Variants in VWF observed in about 807,000 individuals in gnomAD.
The protein encoded by VWF is Factor VIII related antigen.
Under a neutral mutation model 308.6 loss-of-function variants are expected in VWF, and 176 were observed. The observed-to-expected ratio is 0.57, with a 90% CI of 0.50 to 0.65. VWF has a LOEUF of 0.65. Among genes scored for constraint, VWF ranks in the 30% least tolerant of loss-of-function variants. The pLI is 0.00. For missense variants in VWF, 3,146 were observed against 3,648.2 expected (o/e 0.86, Z 3.55); for synonymous variants, 1,385 against 1,443.4 (o/e 0.96, Z 0.92).
chr12:6,041,985 T>C (rs1170419832), intron 18 of VWF, among the ~76,000 whole-genome samples: 4 of 152,196 alleles, frequency 2.6e-5, no homozygotes, highest in African/African-American at 7.2e-5. Flanking sequence ...CCTACACTTC[T>C]GTAGAACTCT....
rs1250915385 is a variant in VWF, at chr12:6,092,620, T to TGAGAGAGAGAGAGAGAGAGA, written c.657+2839_657+2840insTCTCTCTCTCTCTCTCTCTC. ...CAGCTAGTTAGTGAGTGAGTGAGAG[T>TGAGAGAGAGAGAGAGAGAGA]GTGTGTGTGTGTGTGTGTGTGTGTG... On this transcript the variant is annotated intron_variant, in intron 6 of 51. Transcript: ENST00000261405. 1.2e-3 allele frequency among the ~76,000 whole-genome samples: 111 copies of TGAGAGAGAGAGAGAGAGAGA among 89,666 alleles called. 1 individual carries two copies. Among genetic ancestry groups the TGAGAGAGAGAGAGAGAGAGA allele is most frequent in the African/African-American group, 6.1e-3 (103 of 16,764 alleles). The allele number at this position is 89,666 out of a possible 152,430, so 58.8% of individuals were successfully genotyped here.
chr12:5,964,437 C>T (rs890366535), intron 47 of VWF, among the ~76,000 whole-genome samples: 2 of 152,178 alleles, frequency 1.3e-5, no homozygotes, highest in Non-Finnish European at 2.9e-5. Context: ...AACGTAATCA[C>T]ATAATCCCAG....
intron 34 of VWF, among the ~76,000 whole-genome samples, chr12:6,011,416 G>C (rs1284416804): frequency 6.6e-6 from 1 of 152,166 alleles, no homozygotes; most frequent in Non-Finnish European, 1.5e-5. Context: ...AGAGAAAGAG[G>C]GCAGTGATCC....
rs768026301 is a variant in VWF at position 5,985,591 on chromosome 12, G to A, written c.6873C>T (p.Cys2291=). The stretch of plus-strand genomic sequence containing the variant: ...TGGCCGTGGGGCAGGGCTGCGTTGT[G>A]CAGTTGACCTTCCGCCCGCTGAGGC... ...CTCLSGRKVN[C]TTQPCPTAKA... The change falls in exon 39 of 52, where the codon TGC becomes TGT. Residue 2291 remains cysteine, a synonymous_variant. Coordinates refer to ENST00000261405, the MANE Select transcript of VWF (RefSeq NM_000552.5). 12 of 1,613,998 alleles carry A rather than the reference G, an allele frequency of 7.4e-6. No individual in the cohort carries two copies. Among genetic ancestry groups the A allele is most frequent in the East Asian group, 2.2e-5 (1 of 44,894 alleles).
In VWF at chr12:5,952,422, G is replaced by C. The variant is rs76459136; in HGVS notation, c.8084C>G (p.Pro2695Arg). The stretch of plus-strand genomic sequence containing the variant: ...AGCCAGACACTTGTGTTCATCAAAG[G>C]GTGGGCAGCCTGTGACCCTCTTCTC... ...FWEKRVTGCP[P>R]FDEHKCLAEG... Residue 2695 changes from proline (P) to arginine (R), a missense_variant, in exon 49 of 52, where the codon CCC (proline) becomes CGC (arginine). Pro to Arg is a moderately radical substitution (Grantham distance 103). This residue lies in a region of VWF where 989 missense variants were observed against 1,117.4 expected (regional missense o/e 0.89). Transcript: ENST00000261405. 736 of 1,614,076 alleles carry C rather than the reference G, an allele frequency of 4.6e-4. 1 individual carries two copies. Among genetic ancestry groups the C allele is most frequent in the Non-Finnish European group, 5.7e-4 (677 of 1,179,966 alleles).
chr12:5,974,174 C>T (rs2136361153), intron 43 of VWF, among the ~76,000 whole-genome samples: 1 of 152,222 alleles, frequency 6.6e-6, no homozygotes, highest in Non-Finnish European at 1.5e-5. Context: ...GCTAACAATA[C>T]TACCCTCTTT....
intron 6 of VWF, among the ~76,000 whole-genome samples, chr12:6,080,803 G>A (rs571631470): frequency 2.0e-5 from 3 of 152,224 alleles, no homozygotes; most frequent in Admixed American, 1.3e-4. Context: ...CTGTTCCCAC[G>A]CCCTCAGACC....
At chr12:6,121,136 C>T in intron 3 of VWF, 38 bp downstream of exon 3, 2 of 1,613,740 alleles carry the variant, frequency 1.2e-6, no homozygotes, top group Non-Finnish European at 1.7e-6. Flanking sequence ...TCAGCCAGCC[C>T]TCCCTCTGAA....
chr12:6,010,008 C>T (rs766069778), intron 34 of VWF, among the ~76,000 whole-genome samples: 1 of 152,132 alleles, frequency 6.6e-6, no homozygotes, highest in Non-Finnish European at 1.5e-5. Context: ...GTTCAGTGGG[C>T]ATAGTTTCAG....
chr12:6,063,145 A>T lies in VWF; in HGVS notation c.1433-91T>A, dbSNP rs1297031077. On this transcript the variant is annotated intron_variant, in intron 12 of 51. Coordinates refer to ENST00000261405, the MANE Select transcript of VWF (RefSeq NM_000552.5). The surrounding 1 kb of genome is among the most constrained non-coding windows in gnomAD (Gnocchi z 4.9). ...TATTTGGGAGGAAATGGGGTGTCTCAAAAGGATGGTAGCACTGAAGAGCAA... is the reference window on the plus strand; with the variant it reads ...TATTTGGGAGGAAATGGGGTGTCTCTAAAGGATGGTAGCACTGAAGAGCAA... 3 of 1,053,554 alleles carry T rather than the reference A, an allele frequency of 2.8e-6. No individual in the cohort carries two copies. The highest frequency in any genetic ancestry group is 4.3e-6 in the Non-Finnish European group (3 of 698,020). The allele number at this position is 1,053,554 out of a possible 1,614,324, so 65.3% of individuals were successfully genotyped here. A position where few individuals can be genotyped will look rare whatever the true frequency, so the allele number is the denominator to read the frequency against.
intron 3 of VWF, among the ~76,000 whole-genome samples, chr12:6,113,361 G>A (rs1194108750): frequency 3.3e-5 from 5 of 150,500 alleles, no homozygotes; most frequent in Non-Finnish European, 5.9e-5. Context: ...GCAGTGGCGC[G>A]ATCTCGGCTC....
At chr12:6,076,676 G>A (rs1002413002) in intron 6 of VWF, among the ~76,000 whole-genome samples, 73 of 152,336 alleles carry the variant, frequency 4.8e-4, no homozygotes, top group African/African-American at 1.7e-3. Flanking sequence ...AGGGTAAACT[G>A]GAGCCAGTTG....
At chr12:5,969,063 C>T in intron 45 of VWF, 148 bp downstream of exon 45, 1 of 879,496 alleles carries the variant, frequency 1.1e-6, no homozygotes, top group Non-Finnish European at 1.8e-6. Context: ...TTTGCTTTCT[C>T]ATAAAAGCAG....
chr12:5,977,609 T>C (rs1457109493), intron 42 of VWF, among the ~76,000 whole-genome samples: 2 of 152,110 alleles, frequency 1.3e-5, no homozygotes, highest in East Asian at 1.9e-4. Flanking sequence ...GTGGCTGATG[T>C]CTGTAATCTC....
Position 6,056,852 on chromosome 12 carries a change from C to T in VWF, c.1945+5G>A. ...CGGAGGGCTGCGGGCAGGGAGGGCA[C>T]GCACCACAGCGGCCTGGCTCGCGCC... On this transcript the variant is annotated splice_donor_5th_base_variant and intron_variant, in intron 15 of 51. Coordinates refer to ENST00000261405, the MANE Select transcript of VWF (RefSeq NM_000552.5). 1.4e-6 allele frequency: 2 copies of T among 1,399,000 alleles called. No individual in the cohort carries two copies. The highest frequency in any genetic ancestry group is 1.8e-6 in the Non-Finnish European group (2 of 1,087,380). 86.7% of individuals were successfully genotyped at this position (1,399,000 alleles called of 1,614,324 possible).
At position 6,026,087 on chromosome 12, in the gene VWF, G is replaced by A. The variant is rs188771730; in HGVS notation, c.2968-41C>T. 1,062 of 1,613,652 alleles carry A rather than the reference G, an allele frequency of 6.6e-4. 2 individuals carry two copies. In the African/African-American group the frequency reaches 0.012, roughly 19 times the overall value. ...GAGGGATGAGCACCGTCAAGCCCAGGAGCATGCTCTCCGGCTCAGGGGAAA... is the reference window on the plus strand; with the variant it reads ...GAGGGATGAGCACCGTCAAGCCCAGAAGCATGCTCTCCGGCTCAGGGGAAA... On this transcript the variant is annotated intron_variant, in intron 22 of 51. Transcript: ENST00000261405.
chr12:6,081,066 G>A (rs1328034908), intron 6 of VWF, among the ~76,000 whole-genome samples: 2 of 152,144 alleles, frequency 1.3e-5, no homozygotes, highest in African/African-American at 2.4e-5. Context: ...TGCCCAGAAG[G>A]CCCTCCACAG....
chr12:6,067,771 G>A (rs1257822368), intron 10 of VWF, among the ~76,000 whole-genome samples: 3 of 152,098 alleles, frequency 2.0e-5, no homozygotes, highest in African/African-American at 7.2e-5. Context: ...CCACTAGATG[G>A]AGATGGGCAC....
rs1258485397 is a variant in VWF, at chr12:6,052,656, T to C, written c.2073A>G (p.Pro691=). 18 of 1,614,082 alleles carry C rather than the reference T, an allele frequency of 1.1e-5. No individual in the cohort carries two copies. In the East Asian group the frequency reaches 3.8e-4, roughly 34 times the overall value. ...EACLEGCFCP[P]GLYMDERGDC... is the part of the protein sequence containing the mutation. ...CCCCCCTCTCATCCATGTAGAGCCCTGGGGGGCAGAAGCAGCCCTCCAGGC... is the reference window on the plus strand; with the variant it reads ...CCCCCCTCTCATCCATGTAGAGCCCCGGGGGGCAGAAGCAGCCCTCCAGGC... Residue 691 remains proline, a synonymous_variant, in exon 16 of 52, where the codon CCA becomes CCG. Coordinates refer to ENST00000261405, the MANE Select transcript of VWF (RefSeq NM_000552.5).
Sources: gnomAD v4.1 joint callset for allele counts (sites outside exome capture counted in the v4.1 genomes callset) on GRCh38, gnomAD v4.1.1 for gene constraint, gnomAD v4.1.1 regional missense constraint, Gnocchi (gnomAD v3.1) non-coding constraint, MANE v1.5 for transcripts, NCBI Gene and HGNC (gene_info 2026-07-23, HGNC 2026-07-21) for gene names.